Variants in HMCN1 observed in about 807,000 individuals in gnomAD.
HMCN1 encodes hemicentin 1, also known as hemicentin-1.
In HMCN1, 321 loss-of-function variants were observed where a neutral mutation model predicts 625.9. That is an observed-to-expected ratio of 0.51 (90% CI 0.47 to 0.56). The LOEUF (loss-of-function observed/expected upper bound fraction) is 0.56, where lower values mean the gene tolerates loss of function less well. HMCN1 is among the 20% of genes least tolerant of loss of function. HMCN1 has a pLI of 0.00. For synonymous variants in HMCN1, 2,425 were observed against 2,417.6 expected, an observed-to-expected ratio of 1.00 and a Z score of -0.09; for missense variants, 6,588 against 6,887.3, an observed-to-expected ratio of 0.96 and a Z score of 1.54.
In HMCN1 at chr1:185,928,687, T is replaced by C. The variant is rs1180366681; in HGVS notation, c.1552+20T>C. On this transcript the variant is annotated intron_variant, in intron 10 of 106. Transcript: ENST00000271588. Reference sequence around the variant, plus strand: ...TATCAGGTAATTACCACTAATTTCTTTGCAGTTGCCCAAGTATTAATGCAG... The same window carrying C: ...TATCAGGTAATTACCACTAATTTCTCTGCAGTTGCCCAAGTATTAATGCAG... 8.7e-6 allele frequency: 14 copies of C among 1,612,422 alleles called. No homozygotes were observed. Among genetic ancestry groups the C allele is most frequent in the Non-Finnish European group, 1.2e-5 (14 of 1,178,642 alleles).
intron 11 of HMCN1, among the ~76,000 whole-genome samples, chr1:185,934,401 C>T (rs1294849494): frequency 6.6e-6 from 1 of 151,948 alleles, no homozygotes; most frequent in Non-Finnish European, 1.5e-5. Flanking sequence ...TAATTGTGAG[C>T]CAATTTTGAA....
intron 57 of HMCN1, among the ~76,000 whole-genome samples, 181 bp downstream of exon 57, chr1:186,083,142 A>G (rs1306013189): frequency 6.6e-6 from 1 of 152,172 alleles, no homozygotes; most frequent in East Asian, 1.9e-4. Flanking sequence ...AAAGCATAAA[A>G]CTTCCAGGAA....
chr1:185,740,422 G>A (rs1653904427), intron 1 of HMCN1, among the ~76,000 whole-genome samples: 1 of 152,136 alleles, frequency 6.6e-6, no homozygotes, highest in South Asian at 2.1e-4. Flanking sequence ...TTAATGAACT[G>A]GATGTGAGGT....
chr1:186,134,516 T>C (rs991419347), intron 86 of HMCN1, among the ~76,000 whole-genome samples: 1 of 152,136 alleles, frequency 6.6e-6, no homozygotes, highest in Non-Finnish European at 1.5e-5. Flanking sequence ...AAACATCAGT[T>C]AGAAGGCATT....
intron 11 of HMCN1, among the ~76,000 whole-genome samples, chr1:185,940,794 G>T (rs545380842): frequency 6.6e-6 from 1 of 151,592 alleles, no homozygotes; most frequent in South Asian, 2.1e-4. Flanking sequence ...ACAAAGTCTC[G>T]GTCTTGTTGC....
chr1:185,887,400 G>C (rs551813668), intron 4 of HMCN1, among the ~76,000 whole-genome samples: 2 of 151,272 alleles, frequency 1.3e-5, no homozygotes, highest in African/African-American at 4.9e-5. Flanking sequence ...CTGGTGTGCT[G>C]CACCCACTAA....
At position 185,760,825 on chromosome 1, in the gene HMCN1, T is replaced by TA. The variant is rs1655450297; in HGVS notation, c.268+25783dup. Among the ~76,000 whole-genome samples, 5 of 152,228 alleles carry TA rather than the reference T, an allele frequency of 3.3e-5. No homozygotes were observed. In the South Asian group the frequency reaches 1.0e-3, roughly 32 times the overall value. On this transcript the variant is annotated intron_variant, in intron 1 of 106. Coordinates refer to ENST00000271588, the MANE Select transcript of HMCN1 (RefSeq NM_031935.3). Reference sequence around the variant, plus strand: ...TATGCGTTAACAAATTTAATCCTCATAAAAACTTTACAAAGTATTACTATT... The same window carrying TA: ...TATGCGTTAACAAATTTAATCCTCATAAAAAACTTTACAAAGTATTACTATT...
At chr1:186,173,596 A>T (rs538555486) in intron 102 of HMCN1, among the ~76,000 whole-genome samples, 1 of 146,678 alleles carries the variant, frequency 6.8e-6, no homozygotes, top group African/African-American at 2.6e-5. Flanking sequence ...AGCTAAGATC[A>T]TGCCACTGCA....
In HMCN1 at chr1:186,187,034, A is replaced by G. The variant is rs868595349; in HGVS notation, c.16415-849A>G. On this transcript the variant is annotated intron_variant, in intron 105 of 106. Coordinates refer to ENST00000271588, the MANE Select transcript of HMCN1 (RefSeq NM_031935.3). ...CACACACACACACACACACACACACACACGCATGCAAACATTTTCATTCAC... is the reference window on the plus strand; with the variant it reads ...CACACACACACACACACACACACACGCACGCATGCAAACATTTTCATTCAC... Among the ~76,000 whole-genome samples the G allele has an allele frequency of 2.6e-3, 376 of 146,294 alleles. 2 individuals carry two copies. Among genetic ancestry groups the G allele is most frequent in the African/African-American group, 9.1e-3 (363 of 40,006 alleles).
Position 185,860,462 on chromosome 1 carries a change from G to C in HMCN1, c.340-4008G>C, listed in dbSNP as rs575336943. ...TGGCTTCTGACATGTGTGAGTCAAA[G>C]TGTTTCTTTTTTAAACATTTATTTA... On this transcript the variant is annotated intron_variant, in intron 2 of 106. Coordinates refer to ENST00000271588, the MANE Select transcript of HMCN1 (RefSeq NM_031935.3). Among the ~76,000 whole-genome samples, 3 of 152,188 alleles carry C rather than the reference G, an allele frequency of 2.0e-5. No homozygotes were observed. In the South Asian group the frequency reaches 6.2e-4, roughly 32 times the overall value.
intron 16 of HMCN1, among the ~76,000 whole-genome samples, chr1:185,979,195 C>G (rs1651442490): frequency 6.6e-6 from 1 of 152,080 alleles, no homozygotes; most frequent in Non-Finnish European, 1.5e-5. Flanking sequence ...CAGATTGGGT[C>G]AGATTGTGCA....
At chr1:186,065,980 AC>A in intron 49 of HMCN1, among the ~76,000 whole-genome samples, 2 of 152,264 alleles carry the variant, frequency 1.3e-5, no homozygotes, top group African/African-American at 2.4e-5. Flanking sequence ...AAATCAACTG[AC>A]CTATATGTGA....
At chr1:185,816,730 T>A (rs574572530) in intron 1 of HMCN1, among the ~76,000 whole-genome samples, 2 of 152,252 alleles carry the variant, frequency 1.3e-5, no homozygotes, top group South Asian at 4.1e-4. Flanking sequence ...TTTTATGGAT[T>A]TGTAAGCTCC....
Position 185,965,791 on chromosome 1 carries a change from G to GT in HMCN1, c.2099-4dup, listed in dbSNP as rs758484035. ...CTAAATGTTGACTATTTGCGTTTTTGTTTTTTTCAGAAGCCCCTAAGTTGA... is the reference window on the plus strand; with the variant it reads ...CTAAATGTTGACTATTTGCGTTTTTGTTTTTTTTCAGAAGCCCCTAAGTTGA... On this transcript the variant is annotated splice_polypyrimidine_tract_variant and intron_variant, in intron 13 of 106. Coordinates refer to ENST00000271588, the MANE Select transcript of HMCN1 (RefSeq NM_031935.3). 5.2e-5 allele frequency: 79 copies of GT among 1,528,910 alleles called. No individual in the cohort carries two copies. Among genetic ancestry groups the GT allele is most frequent in the Non-Finnish European group, 6.4e-5 (71 of 1,102,838 alleles). The allele number at this position is 1,528,910 out of a possible 1,614,324, so 94.7% of individuals were successfully genotyped here. A position where few individuals can be genotyped will look rare whatever the true frequency, so the allele number is the denominator to read the frequency against.
chr1:186,143,760 T>C (rs1164448083), intron 89 of HMCN1, among the ~76,000 whole-genome samples: 1 of 152,238 alleles, frequency 6.6e-6, no homozygotes, highest in Non-Finnish European at 1.5e-5. Context: ...TTGTATTGTC[T>C]ATAACCACAT....
chr1:185,976,160 C>T (rs1288935959), intron 15 of HMCN1, among the ~76,000 whole-genome samples: 3 of 152,112 alleles, frequency 2.0e-5, no homozygotes, highest in Non-Finnish European at 4.4e-5. Flanking sequence ...AGAAATCATG[C>T]TCATCTCAAC....
At chr1:186,176,317 G>T (rs890211729) in intron 103 of HMCN1, among the ~76,000 whole-genome samples, 2 of 152,034 alleles carry the variant, frequency 1.3e-5, no homozygotes, top group Admixed American at 1.3e-4. Flanking sequence ...CTGTAGTTTT[G>T]CCAGTATTCC....
intron 4 of HMCN1, among the ~76,000 whole-genome samples, chr1:185,899,368 C>T (rs4651289): frequency 0.98 from 148,646 of 152,264 alleles, 72,593 homozygotes; most frequent in East Asian, 1. Flanking sequence ...AAAGATTATA[C>T]AACCAAAAAT....
intron 57 of HMCN1, among the ~76,000 whole-genome samples, chr1:186,085,993 C>T (rs1303773799): frequency 2.6e-5 from 4 of 152,098 alleles, no homozygotes; most frequent in Admixed American, 1.3e-4. Context: ...TAGGAATTGT[C>T]GACTATGTTT....
Sources: gnomAD v4.1 joint callset for allele counts (sites outside exome capture counted in the v4.1 genomes callset) on GRCh38, gnomAD v4.1.1 for gene constraint, MANE v1.5 for transcripts, NCBI Gene and HGNC (gene_info 2026-07-23, HGNC 2026-07-21) for gene names.